AMDHD2: variants seen among roughly 807,000 people sequenced by gnomAD.
The protein encoded by AMDHD2 is N-acetylglucosamine-6-phosphate deacetylase.
AMDHD2 carries 24 observed loss-of-function variants against 41.8 expected under a neutral mutation model. The observed-to-expected ratio is 0.57, with a 90% CI of 0.42 to 0.81. The LOEUF is 0.81. Among genes scored for constraint, AMDHD2 ranks in the 30% least tolerant of loss-of-function variants. The pLI is 0.00. For synonymous variants in AMDHD2, 332 were observed against 255.5 expected, an observed-to-expected ratio of 1.30 and a Z score of -2.85; for missense variants, 540 against 588.5, an observed-to-expected ratio of 0.92 and a Z score of 0.85.
intron 3 of AMDHD2, among the ~76,000 whole-genome samples, chr16:2,522,837 T>C (rs1037536898): frequency 8.0e-5 from 12 of 150,456 alleles, no homozygotes; most frequent in Non-Finnish European, 1.5e-4. Flanking sequence ...TATTCCTTAG[T>C]ACTTAACTTT....
In AMDHD2 at chr16:2,530,460, C is replaced by CT; in HGVS notation, c.*898dup. 1 of 1,614,144 alleles carries CT rather than the reference C, an allele frequency of 6.2e-7. No individual in the cohort carries two copies. Among genetic ancestry groups the CT allele is most frequent in the Non-Finnish European group, 8.5e-7 (1 of 1,180,020 alleles). On this transcript the variant is annotated 3_prime_UTR_variant, in exon 11 of 11. Coordinates refer to ENST00000293971, the MANE Select transcript of AMDHD2 (RefSeq NM_001330449.2). Reference sequence around the variant, plus strand: ...GTGGGCTTCTGGAGCCCTCTTGGCTCTGAGGACAGCCACAGTGGGGTCAGA... The same window carrying CT: ...GTGGGCTTCTGGAGCCCTCTTGGCTCTTGAGGACAGCCACAGTGGGGTCAGA...
chr16:2,524,074 G>A lies in AMDHD2; in HGVS notation c.360+2951G>A, dbSNP rs184936498. ...GGCGCACACACAGGATGAAGGCAGA[G>A]AGCCAACTATTGAGGGTGGGAATTG... On this transcript the variant is annotated intron_variant, in intron 3 of 10. Coordinates refer to ENST00000293971, the MANE Select transcript of AMDHD2 (RefSeq NM_001330449.2). Among the ~76,000 whole-genome samples, 179 of 152,344 alleles carry A rather than the reference G, an allele frequency of 1.2e-3. 1 individual carries two copies. Among genetic ancestry groups the A allele is most frequent in the Middle Eastern group, 0.01 (3 of 294 alleles).
intron 3 of AMDHD2, 22 bp downstream of exon 3, chr16:2,521,145 GA>G: frequency 6.5e-7 from 1 of 1,539,128 alleles, no homozygotes; most frequent in South Asian, 1.2e-5. Context: ...CTCCCTGGCT[GA>G]GGTGGAGGGG....
rs1308212873 is a variant in AMDHD2, at chr16:2,530,702, A to G, written c.*1139A>G. On this transcript the variant is annotated 3_prime_UTR_variant, in exon 11 of 11. Coordinates refer to ENST00000293971, the MANE Select transcript of AMDHD2 (RefSeq NM_001330449.2). ...AAAGAGATAGGATGGTCTGGGCCCC[A>G]CCTGTTGGAAGGGAACAGCCAGGGA... 1.5e-5 allele frequency: 25 copies of G among 1,613,944 alleles called. No individual in the cohort carries two copies. The highest frequency in any genetic ancestry group is 2.1e-5 in the Non-Finnish European group (25 of 1,179,974).
chr16:2,530,234 C>G lies in AMDHD2; in HGVS notation c.*671C>G. On this transcript the variant is annotated 3_prime_UTR_variant, in exon 11 of 11. Coordinates refer to ENST00000293971, the MANE Select transcript of AMDHD2 (RefSeq NM_001330449.2). Reference sequence around the variant, plus strand: ...CGTTCTGTTTTCTCTTCTCAATAACCCTATCTCTTCACACATCCCCAGGCC... The same window carrying G: ...CGTTCTGTTTTCTCTTCTCAATAACGCTATCTCTTCACACATCCCCAGGCC... 1 of 1,588,442 alleles carries G rather than the reference C, an allele frequency of 6.3e-7. No individual in the cohort carries two copies.
Position 2,520,898 on chromosome 16 carries a change from G to T in AMDHD2, c.213G>T (p.Gln71His). Reference protein sequence around the residue: ...RILAPGFIDVQINGGFGVDFS... With the variant: ...RILAPGFIDVHINGGFGVDFS... ...TGGCTCCCGGATTCATCGACGTGCA[G>T]ATCAACGGTGCGGCCCGGGGCCGGC... The change falls in exon 2 of 11, where the codon CAG becomes CAT. Residue 71 changes from glutamine to histidine, a missense_variant. Physicochemically the swap from Gln to His is conservative, Grantham distance 24. Coordinates refer to ENST00000293971, the MANE Select transcript of AMDHD2 (RefSeq NM_001330449.2). 6.2e-7 allele frequency: 1 copy of T among 1,608,482 alleles called. No individual in the cohort carries two copies. Among genetic ancestry groups the T allele is most frequent in the Non-Finnish European group, 8.5e-7 (1 of 1,176,398 alleles).
At chr16:2,526,664 A>G (rs1393354443) in intron 3 of AMDHD2, among the ~76,000 whole-genome samples, 2 of 146,714 alleles carry the variant, frequency 1.4e-5, no homozygotes, top group African/African-American at 5.0e-5. Flanking sequence ...TTGGCCAGGC[A>G]TGGTGGCTCA....
Position 2,521,029 on chromosome 16 carries a change from C to T in AMDHD2, c.266C>T (p.Ser89Leu). The T allele has an allele frequency of 6.2e-7, 1 of 1,611,268 alleles. No homozygotes were observed. Among genetic ancestry groups the T allele is most frequent in the East Asian group, 2.2e-5 (1 of 44,684 alleles). Residue 89 changes from serine to leucine, a missense_variant, in exon 3 of 11, where the codon TCG becomes TTG. By Grantham distance (145) the Ser-to-Leu change is moderately radical. Transcript: ENST00000293971. The part of the protein sequence containing the change: ...DFSQATEDVG[S>L]GVALVARRIL... ...TCTCAAGCCACGGAGGACGTGGGTT[C>T]GGGGGTTGCCCTCGTGGCCCGGAGG...
chr16:2,529,594 G>T lies in AMDHD2; in HGVS notation c.*31G>T. On this transcript the variant is annotated 3_prime_UTR_variant, in exon 11 of 11. Coordinates refer to ENST00000293971, the MANE Select transcript of AMDHD2 (RefSeq NM_001330449.2). ...ACCTCGGCTGAGAGGACACCTGGCC[G>T]CAGCGGGATGCCATCAGGGCCGGGT... 6.2e-7 allele frequency: 1 copy of T among 1,603,240 alleles called. No individual in the cohort carries two copies.
chr16:2,521,196 C>G, intron 3 of AMDHD2, 73 bp downstream of exon 3: 1 of 1,388,374 alleles, frequency 7.2e-7, no homozygotes, highest in African/African-American at 1.6e-5. Context: ...CAAACTCACG[C>G]CCCACCCCCC....
At chr16:2,522,844 CTTTTTT>C (rs77502200) in intron 3 of AMDHD2, among the ~76,000 whole-genome samples, 1 of 135,076 alleles carries the variant, frequency 7.4e-6, no homozygotes, top group Non-Finnish European at 1.6e-5. Flanking sequence ...TAGTACTTAA[CTTTTTT>C]TTTTTTTTTT....
Position 2,530,706 on chromosome 16 carries a change from G to C in AMDHD2, c.*1143G>C. 6.2e-7 allele frequency: 1 copy of C among 1,614,074 alleles called. No individual in the cohort carries two copies. The highest frequency in any genetic ancestry group is 8.5e-7 in the Non-Finnish European group (1 of 1,180,018). ...AGATAGGATGGTCTGGGCCCCACCT[G>C]TTGGAAGGGAACAGCCAGGGAAGAA... On this transcript the variant is annotated 3_prime_UTR_variant, in exon 11 of 11. Coordinates refer to ENST00000293971, the MANE Select transcript of AMDHD2 (RefSeq NM_001330449.2).
intron 3 of AMDHD2, among the ~76,000 whole-genome samples, chr16:2,523,005 G>A (rs1189138611): frequency 3.3e-5 from 5 of 151,726 alleles, no homozygotes; most frequent in African/African-American, 7.3e-5. Flanking sequence ...CACCATGCCC[G>A]GCTAATTTTT....
chr16:2,521,393 C>G (rs532413044), intron 3 of AMDHD2, among the ~76,000 whole-genome samples: 5 of 152,308 alleles, frequency 3.3e-5, no homozygotes, highest in African/African-American at 1.2e-4. Flanking sequence ...TCCCCACCCC[C>G]TGCACTGCAC....
rs926433138 is a variant in AMDHD2, at chr16:2,521,181, A to G, written c.360+58A>G. 3 of 1,490,596 alleles carry G rather than the reference A, an allele frequency of 2.0e-6. No individual in the cohort carries two copies. In the African/African-American group the frequency reaches 4.3e-5, roughly 21 times the overall value. The allele number at this position is 1,490,596 out of a possible 1,614,324, so 92.3% of individuals were successfully genotyped here. A position where few individuals can be genotyped will look rare whatever the true frequency, so the allele number is the denominator to read the frequency against. On this transcript the variant is annotated intron_variant, in intron 3 of 10. Coordinates refer to ENST00000293971, the MANE Select transcript of AMDHD2 (RefSeq NM_001330449.2). The stretch of plus-strand genomic sequence containing the variant: ...GGCTCCCGGAGCAACCAGCGCCCTC[A>G]TTTTCAAACTCACGCCCCACCCCCC...
intron 10 of AMDHD2, 130 bp downstream of exon 10, chr16:2,529,225 C>A: frequency 9.1e-7 from 1 of 1,097,278 alleles, no homozygotes; most frequent in Non-Finnish European, 1.3e-6. Context: ...GGGCTGCCGG[C>A]TGCCAGCCTC....
rs202055274 is a variant in AMDHD2, at chr16:2,530,610, C to G, written c.*1047C>G. ...TGCTGTCCTGGGCACAGGAGGTACG[C>G]GCCTGGCTCTGCCACTGTTCTCTTC... On this transcript the variant is annotated 3_prime_UTR_variant, in exon 11 of 11. Transcript: ENST00000293971. The G allele has an allele frequency of 6.2e-7, 1 of 1,614,186 alleles. No homozygotes were observed. The highest frequency in any genetic ancestry group is 1.7e-5 in the Admixed American group (1 of 60,030).
rs965867309 is a variant in AMDHD2, at chr16:2,529,688, C to A, written c.*125C>A. The A allele has an allele frequency of 2.6e-6, 4 of 1,513,080 alleles. No homozygotes were observed. The South Asian group carries it at 3.7e-5, about 14-fold the overall frequency. The allele number at this position is 1,513,080 out of a possible 1,614,324, so 93.7% of individuals were successfully genotyped here. A position where few individuals can be genotyped will look rare whatever the true frequency, so the allele number is the denominator to read the frequency against. On this transcript the variant is annotated 3_prime_UTR_variant, in exon 11 of 11. Transcript: ENST00000293971. ...GGATTGATGCCCAGGGCCTGTGCGG[C>A]CGCCCTGGAGGCGGTGGCTGGGATA...
intron 10 of AMDHD2, 37 bp from the exon 11 acceptor site, chr16:2,529,438 A>G: frequency 1.2e-6 from 2 of 1,603,834 alleles, no homozygotes; most frequent in Middle Eastern, 1.7e-4. Flanking sequence ...GGGCGGCCCC[A>G]CTCCTGCCCC....
Sources: gnomAD v4.1 joint callset for allele counts (sites outside exome capture counted in the v4.1 genomes callset) on GRCh38, gnomAD v4.1.1 for gene constraint, MANE v1.5 for transcripts, NCBI Gene and HGNC (gene_info 2026-07-23, HGNC 2026-07-21) for gene names.